Variants in COMMD10 observed in about 807,000 individuals in gnomAD.
COMMD10 encodes COMM domain-containing protein 10.
COMMD10 carries 33 observed loss-of-function variants against 28.9 expected under a neutral mutation model. The observed-to-expected ratio is 1.14, with a 90% confidence interval of 0.87 to 1.53. The LOEUF is 1.53. Among genes scored for constraint, COMMD10 ranks in the 40% most tolerant of loss-of-function variants. The pLI is 0.00. For missense variants in COMMD10, 310 were observed against 233.4 expected, an observed-to-expected ratio of 1.33 and a Z score of -2.14; for synonymous variants, 110 against 81.7, an observed-to-expected ratio of 1.35 and a Z score of -1.87.
At chr5:116,179,451 C>T (rs1747869769) in intron 5 of COMMD10, among the ~76,000 whole-genome samples, 2 of 151,954 alleles carry the variant, frequency 1.3e-5, no homozygotes, top group South Asian at 4.2e-4. Flanking sequence ...TCGTAAATAC[C>T]CACGAGCCTG....
intron 5 of COMMD10, among the ~76,000 whole-genome samples, chr5:116,166,669 T>A (rs1382715913): frequency 6.6e-6 from 1 of 152,126 alleles, no homozygotes; most frequent in South Asian, 2.1e-4. Flanking sequence ...CTTTGCTGTT[T>A]TGCAGCCTCC....
chr5:116,190,998 G>C (rs893971311), intron 5 of COMMD10, among the ~76,000 whole-genome samples: 2 of 152,132 alleles, frequency 1.3e-5, no homozygotes, highest in African/African-American at 4.8e-5. Flanking sequence ...TTTACACCCT[G>C]TTGCCTTACA....
intron 5 of COMMD10, among the ~76,000 whole-genome samples, chr5:116,251,382 G>A (rs1204279747): frequency 6.8e-6 from 1 of 146,832 alleles, no homozygotes; most frequent in East Asian, 2.0e-4. Flanking sequence ...ATGCTGGTGT[G>A]CTGCACCCAC....
At chr5:116,155,796 C>T (rs1346070220) in intron 5 of COMMD10, among the ~76,000 whole-genome samples, 1 of 152,050 alleles carries the variant, frequency 6.6e-6, no homozygotes, top group East Asian at 1.9e-4. Flanking sequence ...TTTACTTACA[C>T]TGCTTTAAAC....
intron 4 of COMMD10, among the ~76,000 whole-genome samples, chr5:116,111,497 T>C (rs1002543533): frequency 1.3e-4 from 14 of 109,348 alleles, no homozygotes; most frequent in Admixed American, 1.9e-4. Context: ...ATAAAATTTT[T>C]TAATTCTCCT....
At chr5:116,101,945 A>G (rs1360439831) in intron 4 of COMMD10, among the ~76,000 whole-genome samples, 1 of 152,078 alleles carries the variant, frequency 6.6e-6, no homozygotes, top group African/African-American at 2.4e-5. Flanking sequence ...GGTTTTTTGT[A>G]CATTCTGGAT....
chr5:116,181,122 C>T (rs1165324640), intron 5 of COMMD10, among the ~76,000 whole-genome samples: 4 of 151,702 alleles, frequency 2.6e-5, no homozygotes, highest in African/African-American at 9.7e-5. Context: ...TCAGCCTGGG[C>T]GACAGAGTGA....
At chr5:116,228,947 AGTATTAG>A (rs1477871640) in intron 5 of COMMD10, among the ~76,000 whole-genome samples, 3 of 152,010 alleles carry the variant, frequency 2.0e-5, no homozygotes, top group African/African-American at 7.2e-5. Context: ...AGCTCAGGAT[AGTATTAG>A]GTAGGGTAGA....
chr5:116,192,251 G>T (rs751638138), intron 5 of COMMD10, among the ~76,000 whole-genome samples: 8 of 94,752 alleles, frequency 8.4e-5, no homozygotes, highest in Non-Finnish European at 1.6e-4. Flanking sequence ...ACAAAAGAAG[G>T]CTCTTTAACA....
At chr5:116,257,947 G>T (rs368609390) in intron 5 of COMMD10, among the ~76,000 whole-genome samples, 1 of 151,612 alleles carries the variant, frequency 6.6e-6, no homozygotes, top group Non-Finnish European at 1.5e-5. Flanking sequence ...ATTTGGTTCT[G>T]TGCGATATAG....
At chr5:116,218,001 A>C (rs1192568331) in intron 5 of COMMD10, 10 of 983,666 alleles carry the variant, frequency 1.0e-5, no homozygotes, top group Non-Finnish European at 1.5e-5. Context: ...AGAAGTACAC[A>C]GTTATCAAAA....
chr5:116,263,548 CT>C (rs1750505187), intron 5 of COMMD10, among the ~76,000 whole-genome samples: 1 of 151,622 alleles, frequency 6.6e-6, no homozygotes, highest in Non-Finnish European at 1.5e-5. Flanking sequence ...GCCAGGCACC[CT>C]TTTAGGTCCG....
chr5:116,134,044 C>G (rs1316766067), intron 4 of COMMD10, 24 bp from the exon 5 acceptor site: 1 of 1,317,950 alleles, frequency 7.6e-7, no homozygotes, highest in Non-Finnish European at 1.1e-6. Context: ...CCATCTGATT[C>G]CAATCTGCAC....
At chr5:116,247,747 G>A (rs1297480858) in intron 5 of COMMD10, among the ~76,000 whole-genome samples, 6 of 151,964 alleles carry the variant, frequency 3.9e-5, no homozygotes, top group African/African-American at 1.4e-4. Flanking sequence ...CCTTATAAGT[G>A]GGAGCTAAAT....
At chr5:116,283,478 C>T (rs1328893222) in intron 5 of COMMD10, among the ~76,000 whole-genome samples, 1 of 151,502 alleles carries the variant, frequency 6.6e-6, no homozygotes, top group African/African-American at 2.4e-5. Flanking sequence ...TCCTGAGCAG[C>T]TGGAATTACA....
chr5:116,254,760 A>G (rs1750231342), intron 5 of COMMD10, among the ~76,000 whole-genome samples: 1 of 151,724 alleles, frequency 6.6e-6, no homozygotes, highest in African/African-American at 2.4e-5. Context: ...GGTGCTGACA[A>G]AAATGTATAT....
intron 5 of COMMD10, among the ~76,000 whole-genome samples, chr5:116,195,931 A>G (rs1000030727): frequency 6.6e-6 from 1 of 152,170 alleles, no homozygotes; most frequent in African/African-American, 2.4e-5. Context: ...AAATCAATAA[A>G]CAGAAGATGT....
chr5:116,260,362 A>T (rs920996163), intron 5 of COMMD10, among the ~76,000 whole-genome samples: 6 of 151,812 alleles, frequency 4.0e-5, no homozygotes, highest in Non-Finnish European at 8.8e-5. Context: ...TTCTTGGGTA[A>T]TGTTTATTGT....
At chr5:116,183,014 T>G (rs1748022346) in intron 5 of COMMD10, among the ~76,000 whole-genome samples, 1 of 152,144 alleles carries the variant, frequency 6.6e-6, no homozygotes, top group Non-Finnish European at 1.5e-5. Flanking sequence ...ATTGTAAGTT[T>G]CCTGAGGCCT....
Sources: gnomAD v4.1 joint callset for allele counts (sites outside exome capture counted in the v4.1 genomes callset) on GRCh38, gnomAD v4.1.1 for gene constraint, MANE v1.5 for transcripts, NCBI Gene and HGNC (gene_info 2026-07-23, HGNC 2026-07-21) for gene names.